The following ANO4 variants were observed in gnomAD, a reference collection of about 807,000 sequenced individuals.
ANO4 encodes anoctamin 4.
A neutral mutation model predicts 141.9 loss-of-function variants in ANO4; 69 were observed. The ratio of observed to expected loss-of-function variants is 0.49; its 90% confidence interval spans 0.40 to 0.59. The LOEUF (loss-of-function observed/expected upper bound fraction) is 0.59, where lower values mean the gene tolerates loss of function less well. Among genes scored for constraint, ANO4 ranks in the 20% least tolerant of loss-of-function variants. ANO4 has a pLI of 0.00. For synonymous variants in ANO4, 350 were observed against 394.3 expected, an observed-to-expected ratio of 0.89 and a Z score of 1.33; for missense variants, 894 against 1,162.2, an observed-to-expected ratio of 0.77 and a Z score of 3.36.
chr12:100,768,747 T>G (rs7299245), intron 3 of ANO4, among the ~76,000 whole-genome samples: 45,930 of 152,074 alleles, frequency 0.3, 7,966 homozygotes, highest in African/African-American at 0.47. Flanking sequence ...CTGAACAACA[T>G]AAAATTTGAT....
At chr12:101,009,671 A>G (rs184213482) in intron 8 of ANO4, among the ~76,000 whole-genome samples, 1 of 152,234 alleles carries the variant, frequency 6.6e-6, no homozygotes, top group Non-Finnish European at 1.5e-5. Flanking sequence ...GTGTTCTATA[A>G]TATCATAGGA....
At chr12:100,956,020 T>G (rs1157483497) in intron 5 of ANO4, among the ~76,000 whole-genome samples, 3 of 152,228 alleles carry the variant, frequency 2.0e-5, no homozygotes, top group Non-Finnish European at 2.9e-5. Context: ...TATGCTCGCT[T>G]AGCAATTTCC....
intron 3 of ANO4, among the ~76,000 whole-genome samples, chr12:100,935,821 T>C (rs1412204750): frequency 1.3e-5 from 2 of 152,246 alleles, no homozygotes; most frequent in African/African-American, 4.8e-5. Context: ...GAGTTGCTTT[T>C]TTCTTCTTAG....
chr12:100,913,409 T>C (rs2041199760), intron 2 of ANO4, among the ~76,000 whole-genome samples: 1 of 152,216 alleles, frequency 6.6e-6, no homozygotes. Context: ...AATGTGCCCC[T>C]TATCCATAGC....
intron 1 of ANO4, among the ~76,000 whole-genome samples, chr12:100,845,520 A>G (rs1025985446): frequency 6.6e-6 from 1 of 152,220 alleles, no homozygotes. Flanking sequence ...TGTACATTTT[A>G]GTAACATGAG....
At chr12:100,995,643 T>G (rs924390578) in intron 8 of ANO4, among the ~76,000 whole-genome samples, 1 of 152,240 alleles carries the variant, frequency 6.6e-6, no homozygotes, top group African/African-American at 2.4e-5. Context: ...GTACACAAAA[T>G]GTTTTAACTC....
At chr12:101,041,265 T>C (rs547087459) in intron 11 of ANO4, among the ~76,000 whole-genome samples, 7 of 152,216 alleles carry the variant, frequency 4.6e-5, no homozygotes, top group Non-Finnish European at 1.0e-4. Flanking sequence ...TCACCAAGTG[T>C]TCCAAGGGCA....
intron 8 of ANO4, among the ~76,000 whole-genome samples, chr12:100,992,384 C>T (rs2045172758): frequency 6.6e-6 from 1 of 152,172 alleles, no homozygotes; most frequent in Non-Finnish European, 1.5e-5. Flanking sequence ...CCTCTCTCAG[C>T]TCTTTGGATA....
chr12:100,901,610 A>G (rs770193826), intron 1 of ANO4, 36 bp from the exon 2 acceptor site: 1 of 698,594 alleles, frequency 1.4e-6, no homozygotes, highest in East Asian at 2.6e-5. Context: ...TTCTGAAGTG[A>G]CTTCTTCAGT....
At chr12:100,809,563 G>A (rs897022355) in intron 1 of ANO4, among the ~76,000 whole-genome samples, 4 of 152,164 alleles carry the variant, frequency 2.6e-5, no homozygotes, top group African/African-American at 9.7e-5. Context: ...ATCAGGGGAG[G>A]CTTCTCCAGA....
chr12:100,881,750 A>G (rs1314387033), intron 1 of ANO4, among the ~76,000 whole-genome samples: 1 of 152,216 alleles, frequency 6.6e-6, no homozygotes, highest in Non-Finnish European at 1.5e-5. Context: ...TTTTATAATC[A>G]AACACAATTA....
At chr12:101,044,742 G>T (rs1242649573) in intron 13 of ANO4, among the ~76,000 whole-genome samples, 1 of 152,168 alleles carries the variant, frequency 6.6e-6, no homozygotes. Flanking sequence ...GTGAGCAGTG[G>T]TTTTAGAAAG....
chr12:100,957,009 T>G (rs1489218824), intron 5 of ANO4, among the ~76,000 whole-genome samples: 1 of 152,190 alleles, frequency 6.6e-6, no homozygotes, highest in Non-Finnish European at 1.5e-5. Context: ...GGAAAGGGAG[T>G]TCTAAATAAA....
At chr12:101,026,370 T>C (rs1474701351) in intron 9 of ANO4, among the ~76,000 whole-genome samples, 1 of 152,178 alleles carries the variant, frequency 6.6e-6, no homozygotes, top group African/African-American at 2.4e-5. Context: ...ATTGCTGAGA[T>C]AAATTTAAGA....
chr12:101,080,486 A>C (rs2049201383), intron 15 of ANO4, among the ~76,000 whole-genome samples: 1 of 152,080 alleles, frequency 6.6e-6, no homozygotes, highest in South Asian at 2.1e-4. Flanking sequence ...AATATTCTCC[A>C]GGCCAGGTGC....
At chr12:100,764,592 T>G (rs929003779) in intron 3 of ANO4, among the ~76,000 whole-genome samples, 2 of 152,190 alleles carry the variant, frequency 1.3e-5, no homozygotes, top group African/African-American at 4.8e-5. Context: ...TCAGCAATGG[T>G]TGCTGAAGTT....
intron 15 of ANO4, among the ~76,000 whole-genome samples, chr12:101,081,173 T>C (rs1423333308): frequency 6.6e-6 from 1 of 151,922 alleles, no homozygotes; most frequent in Non-Finnish European, 1.5e-5. Flanking sequence ...GTTATATGTG[T>C]TCATGGGAAC....
chr12:100,939,671 C>G (rs1029117371), intron 4 of ANO4, among the ~76,000 whole-genome samples: 7 of 152,114 alleles, frequency 4.6e-5, no homozygotes, highest in African/African-American at 1.7e-4. Context: ...TTTTCTTAAA[C>G]CTATCATTTT....
intron 9 of ANO4, among the ~76,000 whole-genome samples, chr12:101,030,434 A>G (rs572359566): frequency 2.4e-4 from 37 of 152,236 alleles, no homozygotes; most frequent in Non-Finnish European, 4.3e-4. Flanking sequence ...ACCAATGAGA[A>G]CAAAGAGACA....
Sources: gnomAD v4.1 joint callset for allele counts (sites outside exome capture counted in the v4.1 genomes callset) on GRCh38, gnomAD v4.1.1 for gene constraint, MANE v1.5 for transcripts, NCBI Gene and HGNC (gene_info 2026-07-23, HGNC 2026-07-21) for gene names.